The following KCTD8 variants were observed in gnomAD, a reference collection of about 807,000 sequenced individuals.
KCTD8 encodes the protein potassium channel tetramerization domain containing 8, also known as BTB/POZ domain-containing protein KCTD8.
KCTD8 carries 27 observed loss-of-function variants against 31.5 expected under a neutral mutation model. The ratio of observed to expected loss-of-function variants is 0.86; its 90% CI spans 0.63 to 1.18. The LOEUF is 1.18. Ranked by LOEUF, KCTD8 falls within the 50% of genes most tolerant of loss-of-function variation. The probability of loss-of-function intolerance (pLI) is 0.00; values close to 1 mark genes in which losing one functional copy is unlikely to be tolerated. For synonymous variants in KCTD8, 290 were observed against 280.0 expected (o/e 1.04, Z -0.36); for missense variants, 658 against 647.7 (o/e 1.02, Z -0.17).
intron 1 of KCTD8, among the ~76,000 whole-genome samples, chr4:44,254,536 C>A (rs1250914893): frequency 6.6e-6 from 1 of 151,706 alleles, no homozygotes; most frequent in Non-Finnish European, 1.5e-5. Flanking sequence ...CACCCCCACC[C>A]TCACAAAGAT....
intron 1 of KCTD8, among the ~76,000 whole-genome samples, chr4:44,402,284 A>C (rs1720685223): frequency 6.6e-6 from 1 of 152,168 alleles, no homozygotes; most frequent in Non-Finnish European, 1.5e-5. Context: ...TTCTCTTTTC[A>C]GCACAGACAT....
chr4:44,401,664 G>T (rs1720668907), intron 1 of KCTD8, among the ~76,000 whole-genome samples: 1 of 152,102 alleles, frequency 6.6e-6, no homozygotes, highest in Non-Finnish European at 1.5e-5. Flanking sequence ...AAATGAAAAT[G>T]CTACTTATAT....
At chr4:44,428,142 T>C (rs1721391494) in intron 1 of KCTD8, among the ~76,000 whole-genome samples, 2 of 151,826 alleles carry the variant, frequency 1.3e-5, no homozygotes, top group East Asian at 1.9e-4. Flanking sequence ...ATTCATTCTA[T>C]CATAATTTTT....
At chr4:44,245,639 C>A (rs948567552) in intron 1 of KCTD8, among the ~76,000 whole-genome samples, 1 of 151,768 alleles carries the variant, frequency 6.6e-6, no homozygotes, top group African/African-American at 2.4e-5. Flanking sequence ...AGGAGACTAT[C>A]AAGAAAATGA....
intron 1 of KCTD8, among the ~76,000 whole-genome samples, chr4:44,395,945 AG>A (rs994902090): frequency 6.6e-6 from 1 of 152,148 alleles, no homozygotes; most frequent in African/African-American, 2.4e-5. Flanking sequence ...GGATGATTCA[AG>A]TACATTAATT....
At chr4:44,235,819 G>T (rs527845063) in intron 1 of KCTD8, among the ~76,000 whole-genome samples, 171 of 151,806 alleles carry the variant, frequency 1.1e-3, no homozygotes, top group Middle Eastern at 6.8e-3. Flanking sequence ...ACAAAACATT[G>T]CAGGCTTCAG....
intron 1 of KCTD8, among the ~76,000 whole-genome samples, chr4:44,430,178 C>T (rs1287802631): frequency 1.3e-5 from 2 of 151,718 alleles, no homozygotes; most frequent in African/African-American, 4.8e-5. Flanking sequence ...ATAAACTGCT[C>T]TCTTGGGTGA....
chr4:44,317,397 A>G (rs1468917674), intron 1 of KCTD8, among the ~76,000 whole-genome samples: 2 of 142,132 alleles, frequency 1.4e-5, no homozygotes, highest in African/African-American at 2.8e-5. Context: ...CCGCCACCGC[A>G]CCCGGCTAAT....
intron 1 of KCTD8, among the ~76,000 whole-genome samples, chr4:44,305,754 T>A (rs2109395576): frequency 6.6e-6 from 1 of 151,822 alleles, no homozygotes; most frequent in South Asian, 2.1e-4. Context: ...TACCCCAAAA[T>A]GAAAAATATG....
chr4:44,229,610 G>A (rs906798866), intron 1 of KCTD8, among the ~76,000 whole-genome samples: 19 of 152,134 alleles, frequency 1.2e-4, no homozygotes, highest in South Asian at 6.2e-4. Context: ...CTAGGATCAT[G>A]GTTAAATGGG....
chr4:44,350,326 T>C (rs1320083548), intron 1 of KCTD8, among the ~76,000 whole-genome samples: 1 of 152,174 alleles, frequency 6.6e-6, no homozygotes, highest in Non-Finnish European at 1.5e-5. Flanking sequence ...TAACCAGATG[T>C]TCCTCCACAA....
At chr4:44,435,123 T>C (rs1194738218) in intron 1 of KCTD8, among the ~76,000 whole-genome samples, 2 of 152,016 alleles carry the variant, frequency 1.3e-5, no homozygotes, top group African/African-American at 2.4e-5. Context: ...CCTTGTTTTT[T>C]ACTTCGAAGC....
At chr4:44,336,450 A>T (rs1283375124) in intron 1 of KCTD8, among the ~76,000 whole-genome samples, 1 of 151,954 alleles carries the variant, frequency 6.6e-6, no homozygotes, top group African/African-American at 2.4e-5. Flanking sequence ...ATTTAGGGTA[A>T]GGAAGCCTAT....
chr4:44,187,923 T>C (rs1404563327), intron 1 of KCTD8, among the ~76,000 whole-genome samples: 2 of 148,358 alleles, frequency 1.3e-5, no homozygotes, highest in African/African-American at 5.0e-5. Context: ...AATCTCTCAG[T>C]GACAATAAGG....
chr4:44,310,894 C>G (rs933472713), intron 1 of KCTD8, among the ~76,000 whole-genome samples: 3 of 152,030 alleles, frequency 2.0e-5, no homozygotes, highest in African/African-American at 7.2e-5. Flanking sequence ...TACATTAACC[C>G]TTATAAATCC....
At chr4:44,298,222 C>A (rs1428482280) in intron 1 of KCTD8, among the ~76,000 whole-genome samples, 1 of 152,094 alleles carries the variant, frequency 6.6e-6, no homozygotes, top group Admixed American at 6.5e-5. Context: ...TTACAGCAAA[C>A]TTCCCAGACA....
chr4:44,389,740 G>A (rs1720318748), intron 1 of KCTD8, among the ~76,000 whole-genome samples: 1 of 151,830 alleles, frequency 6.6e-6, no homozygotes, highest in South Asian at 2.1e-4. Context: ...TAAATTTTAT[G>A]TGTATTTTAC....
At chr4:44,248,468 G>T (rs1385739729) in intron 1 of KCTD8, among the ~76,000 whole-genome samples, 5 of 150,246 alleles carry the variant, frequency 3.3e-5, no homozygotes, top group African/African-American at 1.2e-4. Flanking sequence ...AAAAAAGAAA[G>T]AAAGAAAGAA....
intron 1 of KCTD8, among the ~76,000 whole-genome samples, chr4:44,446,629 C>T (rs1283819778): frequency 6.6e-6 from 1 of 152,150 alleles, no homozygotes; most frequent in Non-Finnish European, 1.5e-5. Flanking sequence ...CACTGCAAAA[C>T]GCACCCCAGA....
Sources: gnomAD v4.1 joint callset for allele counts (sites outside exome capture counted in the v4.1 genomes callset) on GRCh38, gnomAD v4.1.1 for gene constraint, MANE v1.5 for transcripts, NCBI Gene and HGNC (gene_info 2026-07-23, HGNC 2026-07-21) for gene names.